Variants in TMPRSS2 observed in about 807,000 individuals in gnomAD.
The protein encoded by TMPRSS2 is transmembrane serine protease 2, also known as transmembrane protease serine 2.
Under a neutral mutation model 67.4 loss-of-function variants are expected in TMPRSS2, and 59 were observed. The ratio of observed to expected loss-of-function variants is 0.88; its 90% CI spans 0.71 to 1.09. TMPRSS2 has a LOEUF of 1.09. Among genes scored for constraint, TMPRSS2 ranks in the 50% least tolerant of loss-of-function variants. TMPRSS2 has a pLI of 0.00. For synonymous variants in TMPRSS2, 257 were observed against 257.0 expected, an observed-to-expected ratio of 1.00 and a Z score of 0.00; for missense variants, 668 against 642.7, an observed-to-expected ratio of 1.04 and a Z score of -0.43.
chr21:41,487,413 T>G (rs2091306652), intron 5 of TMPRSS2: 1 of 152,174 alleles, frequency 6.6e-6, no homozygotes. Context: ...TGGGGAGATG[T>G]TGGTCAGAGG....
chr21:41,492,588 A>C lies in TMPRSS2; in HGVS notation c.238+1768T>G, dbSNP rs746668285. On this transcript the variant is annotated intron_variant, in intron 3 of 13. Transcript: ENST00000332149. Reference sequence around the variant, plus strand: ...ATTAGATGCCAACAGTGTTTTCTTAAAAATAGTACCAGGGTAAGTTCAATT... The same window carrying C: ...ATTAGATGCCAACAGTGTTTTCTTACAAATAGTACCAGGGTAAGTTCAATT... Among the ~76,000 whole-genome samples, 72 of 152,356 alleles carry C rather than the reference A, an allele frequency of 4.7e-4. 1 individual carries two copies. The highest frequency in any genetic ancestry group is 3.9e-4 in the Admixed American group (6 of 15,308).
chr21:41,469,488 C>A (rs2091112629), intron 11 of TMPRSS2, among the ~76,000 whole-genome samples: 1 of 152,152 alleles, frequency 6.6e-6, no homozygotes. Flanking sequence ...CACCATAATC[C>A]ACAAGGACCT....
At chr21:41,471,698 G>A (rs770710041) in intron 10 of TMPRSS2, 108 bp downstream of exon 10, 43 of 1,320,070 alleles carry the variant, frequency 3.3e-5, no homozygotes, top group Middle Eastern at 4.4e-4. Flanking sequence ...CGCTACCCTC[G>A]CTCAACGCAA....
In TMPRSS2 at chr21:41,489,586, C is replaced by A; in HGVS notation, c.246G>T (p.Lys82Asn). The change falls in exon 4 of 14, where the codon AAG becomes AAT. Residue 82 changes from lysine to asparagine, a missense_variant. Physicochemically the swap from Lys to Asn is moderately conservative, Grantham distance 94. Transcript: ENST00000332149. ...PSGTVCTSKT[K>N]KALCITLTLG... ...GGGTCAAGGTGATGCACAGTGCTTT[C>A]TTAGTCTCTGGAAGAAGGAGGAGAG... is the stretch of plus-strand genomic sequence containing the variant. 1 of 1,614,028 alleles carries A rather than the reference C, an allele frequency of 6.2e-7. No individual in the cohort carries two copies. The highest frequency in any genetic ancestry group is 8.5e-7 in the Non-Finnish European group (1 of 1,179,904).
At chr21:41,466,708 A>G (rs1418644352) in intron 13 of TMPRSS2, among the ~76,000 whole-genome samples, 2 of 152,226 alleles carry the variant, frequency 1.3e-5, no homozygotes, top group African/African-American at 4.8e-5. Flanking sequence ...TCAGCGGGAA[A>G]GGCCCCCTGG....
At position 41,494,496 on chromosome 21, in the gene TMPRSS2, A is replaced by G. The variant is rs201093031; in HGVS notation, c.98T>C (p.Val33Ala). 95 of 1,614,054 alleles carry G rather than the reference A, an allele frequency of 5.9e-5. No individual in the cohort carries two copies. In the East Asian group the frequency reaches 1.4e-3, roughly 25 times the overall value. Residue 33 changes from valine to alanine, a missense_variant, in exon 3 of 14, where the codon GTC (valine) becomes GCC (alanine). By Grantham distance (64) the Val-to-Ala change is moderately conservative. Coordinates refer to ENST00000332149, the MANE Select transcript of TMPRSS2 (RefSeq NM_005656.4). ...ENPYPAQPTV[V>A]PTVYEVHPAQ... is the part of the protein sequence containing the mutation. ...CGGATGCACCTCGTAGACAGTGGGG[A>G]CCACAGTGGGCTGTGCGGGATAGGG...
chr21:41,494,250 G>C (rs2091360430), intron 3 of TMPRSS2, 106 bp downstream of exon 3: 1 of 1,202,748 alleles, frequency 8.3e-7, no homozygotes, highest in African/African-American at 1.5e-5. Context: ...AGAAGGGTCA[G>C]ACCAGGAGAG....
In TMPRSS2 at chr21:41,465,958, G is replaced by A; in HGVS notation, c.*184C>T. The A allele has an allele frequency of 1.4e-6, 1 of 693,822 alleles. No individual in the cohort carries two copies. The highest frequency in any genetic ancestry group is 2.5e-6 in the Non-Finnish European group (1 of 405,014). 43.0% of individuals were successfully genotyped at this position (693,822 alleles called of 1,614,324 possible). The stretch of plus-strand genomic sequence containing the variant: ...GCGGACAAGGGGTTAGGGAGAGCAG[G>A]CTGGGCAGGGGAGCCACTGCAGCCT... On this transcript the variant is annotated 3_prime_UTR_variant, in exon 14 of 14. Coordinates refer to ENST00000332149, the MANE Select transcript of TMPRSS2 (RefSeq NM_005656.4).
intron 5 of TMPRSS2, among the ~76,000 whole-genome samples, chr21:41,484,610 C>T (rs1395384500): frequency 1.3e-5 from 2 of 152,138 alleles, no homozygotes; most frequent in African/African-American, 4.8e-5. Flanking sequence ...TTGTCTGTTT[C>T]CTTTTATATG....
At chr21:41,499,476 T>C (rs2091408845) in intron 1 of TMPRSS2, among the ~76,000 whole-genome samples, 1 of 152,222 alleles carries the variant, frequency 6.6e-6, no homozygotes, top group Admixed American at 6.5e-5. Flanking sequence ...CCTCGGTATC[T>C]GATCACTCTG....
Position 41,502,309 on chromosome 21 carries a change from GCTTGTAGACACTGA to G in TMPRSS2, c.-56-4134_-56-4121del, listed in dbSNP as rs1363326327. 1.6e-5 allele frequency: 14 copies of G among 897,296 alleles called. No individual in the cohort carries two copies. In the East Asian group the frequency reaches 1.7e-3, roughly 107 times the overall value. The allele number at this position is 897,296 out of a possible 1,614,324, so 55.6% of individuals were successfully genotyped here. On this transcript the variant is annotated intron_variant, in intron 1 of 13. Coordinates refer to ENST00000332149, the MANE Select transcript of TMPRSS2 (RefSeq NM_005656.4). ...ACCAAGCCAACGCGAATGAAGTTAGGCTTGTAGACACTGACTCCCACCCAAGATCCAGGGGTATT... is the reference window on the plus strand; with the variant it reads ...ACCAAGCCAACGCGAATGAAGTTAGGCTCCCACCCAAGATCCAGGGGTATT...
chr21:41,465,914 CA>C lies in TMPRSS2; in HGVS notation c.*227del, dbSNP rs756449602. ...ACACTTGACCGCCAGTGCCCACAAC[CA>C]GCCGGCCATCACCCCTTGCGGACAA... On this transcript the variant is annotated 3_prime_UTR_variant, in exon 14 of 14. Coordinates refer to ENST00000332149, the MANE Select transcript of TMPRSS2 (RefSeq NM_005656.4). The C allele has an allele frequency of 2.0e-4, 121 of 596,890 alleles. No individual in the cohort carries two copies. The highest frequency in any genetic ancestry group is 5.1e-5 in the Non-Finnish European group (17 of 330,850). 37.0% of individuals were successfully genotyped at this position (596,890 alleles called of 1,614,324 possible).
At chr21:41,468,073 C>T (rs1372350583) in intron 12 of TMPRSS2, 187 bp from the exon 13 acceptor site, 2 of 644,582 alleles carry the variant, frequency 3.1e-6, no homozygotes, top group Non-Finnish European at 5.3e-6. Context: ...AGATAGCCCC[C>T]ATCCTGAATT....
intron 1 of TMPRSS2, chr21:41,502,451 G>A (rs752968924): frequency 3.0e-6 from 3 of 985,352 alleles, no homozygotes; most frequent in Non-Finnish European, 3.6e-6. Context: ...AGTTGCTGGA[G>A]GTGTGAGAGG....
At chr21:41,480,684 G>C in intron 5 of TMPRSS2, 82 bp from the exon 6 acceptor site, 1 of 1,546,400 alleles carries the variant, frequency 6.5e-7, no homozygotes, top group Non-Finnish European at 8.7e-7. Context: ...TGTCACCTAG[G>C]CTGAAGTGCA....
At chr21:41,507,973 C>A (rs1406664235) in intron 1 of TMPRSS2, 108 bp downstream of exon 1, 2 of 1,462,996 alleles carry the variant, frequency 1.4e-6, no homozygotes, top group East Asian at 3.0e-5. Flanking sequence ...CTCCTCACAC[C>A]CGCTTTCACC....
rs1282014159 is a variant in TMPRSS2 at position 41,478,526 on chromosome 21, G to A, written c.683+646C>T. Among the ~76,000 whole-genome samples, 7 of 152,202 alleles carry A rather than the reference G, an allele frequency of 4.6e-5. No homozygotes were observed. Among genetic ancestry groups the A allele is most frequent in the Non-Finnish European group, 1.0e-4 (7 of 68,030 alleles). The stretch of plus-strand genomic sequence containing the variant: ...CTAAATATGTGCAAAGCAAAAGGAA[G>A]AGCCTAAGTCCATCCCCTCTTCTGC... On this transcript the variant is annotated intron_variant, in intron 7 of 13. Coordinates refer to ENST00000332149, the MANE Select transcript of TMPRSS2 (RefSeq NM_005656.4). The surrounding 1 kb of genome is among the most constrained non-coding windows in gnomAD (Gnocchi z 4.0).
Position 41,473,495 on chromosome 21 carries a change from G to A in TMPRSS2, c.729C>T (p.Ala243=), listed in dbSNP as rs1370929673. 2 of 1,605,544 alleles carry A rather than the reference G, an allele frequency of 1.2e-6. No individual in the cohort carries two copies. The highest frequency in any genetic ancestry group is 1.7e-6 in the Non-Finnish European group (2 of 1,175,928). ...GGCTTGAGTTCAAGTTGACCCCGCAGGCTGAGGATGACAAACAGGAGGCCA... is the reference window on the plus strand; with the variant it reads ...GGCTTGAGTTCAAGTTGACCCCGCAAGCTGAGGATGACAAACAGGAGGCCA... ...SKAVVSLRCI[A]CGVNLNSSRQ... The change falls in exon 9 of 14, where the codon GCC becomes GCT. Residue 243 remains alanine, a splice_region_variant and synonymous_variant. Coordinates refer to ENST00000332149, the MANE Select transcript of TMPRSS2 (RefSeq NM_005656.4).
chr21:41,484,318 G>T (rs2091279950), intron 5 of TMPRSS2, among the ~76,000 whole-genome samples: 1 of 152,144 alleles, frequency 6.6e-6, no homozygotes, highest in Non-Finnish European at 1.5e-5. Context: ...TTGATAACTA[G>T]AGTGAACAAT....
Sources: allele counts gnomAD v4.1 joint callset (sites outside exome capture counted in the v4.1 genomes callset), GRCh38; gene constraint gnomAD v4.1.1; non-coding constraint Gnocchi (gnomAD v3.1); transcripts MANE v1.5; gene names NCBI Gene and HGNC (gene_info 2026-07-23, HGNC 2026-07-21).